The following PLEKHS1 variants were observed in gnomAD, a reference collection of about 807,000 sequenced individuals.
The protein encoded by PLEKHS1 is pleckstrin homology domain-containing family S member 1.
A neutral mutation model predicts 51.0 loss-of-function variants in PLEKHS1; 55 were observed. The observed-to-expected ratio is 1.08, with a 90% CI of 0.87 to 1.35. The LOEUF (loss-of-function observed/expected upper bound fraction) is 1.35. PLEKHS1 is among the 40% of genes most tolerant of loss of function. PLEKHS1 has a pLI of 0.00. For missense variants in PLEKHS1, 398 were observed against 423.0 expected (o/e 0.94, Z 0.52); for synonymous variants, 153 against 144.8 (o/e 1.06, Z -0.41).
At chr10:113,767,879 T>C (rs1181897648) in intron 5 of PLEKHS1, among the ~76,000 whole-genome samples, 1 of 152,186 alleles carries the variant, frequency 6.6e-6, no homozygotes, top group Non-Finnish European at 1.5e-5. Flanking sequence ...GTTCTCCCTG[T>C]GTGCATAGCT....
intron 1 of PLEKHS1, among the ~76,000 whole-genome samples, chr10:113,752,870 G>A (rs7086863): frequency 0.016 from 2,444 of 152,240 alleles, 60 homozygotes; most frequent in African/African-American, 0.056. Flanking sequence ...TGTTATTTGG[G>A]AGTGTCCATG....
rs142829942 is a variant in PLEKHS1 at position 113,775,860 on chromosome 10, G to A, written c.1085G>A (p.Arg362Gln). Residue 362 changes from arginine to glutamine, a missense_variant, in exon 11 of 12, where the codon CGG becomes CAG. Physicochemically the swap from Arg to Gln is conservative, Grantham distance 43 (BLOSUM62 1). Coordinates refer to ENST00000361048, the Ensembl canonical transcript of PLEKHS1. ...CTTGCTCTCACAGAAGCCACAGGAC[G>A]GATATGGTAGGTTGGAGATTTGACT... 83 of 1,603,098 alleles carry A rather than the reference G, an allele frequency of 5.2e-5. No homozygotes were observed. The East Asian group carries it at 1.0e-3, about 20-fold the overall frequency.
chr10:113,780,537 A>G, intron 11 of PLEKHS1, 65 bp from the exon 13 acceptor site: 2 of 1,472,510 alleles, frequency 1.4e-6, no homozygotes, highest in Admixed American at 3.4e-5. Context: ...ATGAGGACAG[A>G]TTGGGAAGCA....
chr10:113,755,762 G>A (rs986883724), intron 2 of PLEKHS1, among the ~76,000 whole-genome samples: 7 of 152,212 alleles, frequency 4.6e-5, no homozygotes, highest in Admixed American at 2.0e-4. Flanking sequence ...TTGGTTTGGA[G>A]AATGTAGCAG....
intron 2 of PLEKHS1, chr10:113,765,402 T>C (rs1313713426): frequency 1.3e-6 from 1 of 779,256 alleles, no homozygotes; most frequent in African/African-American, 1.7e-5. Flanking sequence ...TAACAAGCAC[T>C]TTTTCTGAAT....
Position 113,775,881 on chromosome 10 carries a change from T to C in PLEKHS1, c.1091+15T>C, listed in dbSNP as rs1844628992. ...GGACGGATATGGTAGGTTGGAGATTTGACTGTTGTGGATTATAAATGGGGC... is the reference window on the plus strand; with the variant it reads ...GGACGGATATGGTAGGTTGGAGATTCGACTGTTGTGGATTATAAATGGGGC... On this transcript the variant is annotated intron_variant, in intron 11 of 11. Coordinates refer to ENST00000361048, the Ensembl canonical transcript of PLEKHS1. The C allele has an allele frequency of 6.4e-7, 1 of 1,564,920 alleles. No homozygotes were observed.
chr10:113,778,647 T>TTC (rs1371478724), intron 11 of PLEKHS1, among the ~76,000 whole-genome samples: 1 of 147,962 alleles, frequency 6.8e-6, no homozygotes, highest in Admixed American at 6.7e-5. Context: ...CACTTTCTTT[T>TTC]TTTTTTTTTT....
chr10:113,752,283 C>T (rs983564077), intron 1 of PLEKHS1, among the ~76,000 whole-genome samples: 2 of 152,114 alleles, frequency 1.3e-5, no homozygotes, highest in African/African-American at 2.4e-5. Flanking sequence ...GAAAACAGTG[C>T]AAGCTTTAGA....
intron 11 of PLEKHS1, among the ~76,000 whole-genome samples, chr10:113,780,194 G>A (rs1844823957): frequency 6.6e-6 from 1 of 152,184 alleles, no homozygotes; most frequent in African/African-American, 2.4e-5. Flanking sequence ...GAAGGTGTGT[G>A]CAGGGGAAGG....
chr10:113,772,664 C>T (rs200261024), intron 8 of PLEKHS1, among the ~76,000 whole-genome samples: 14 of 152,130 alleles, frequency 9.2e-5, no homozygotes, highest in East Asian at 1.9e-4. Context: ...GCACAAAAGA[C>T]GTGGTCCGTG....
Position 113,760,183 on chromosome 10 carries a change from G to A in PLEKHS1, c.28+4878G>A, listed in dbSNP as rs149161145. ...GAGATTTACCCATGTCGTTGCATCT[G>A]TCAATAGTTTGTTTCTTTTTATTCC... On this transcript the variant is annotated intron_variant, in intron 2 of 11. Transcript: ENST00000361048. Among the ~76,000 whole-genome samples the A allele has an allele frequency of 4.6e-5, 7 of 152,302 alleles. No individual in the cohort carries two copies. The East Asian group carries it at 1.3e-3, about 29-fold the overall frequency.
At position 113,774,180 on chromosome 10, in the gene PLEKHS1, A is replaced by G. The variant is rs747666423; in HGVS notation, c.673-47A>G. 1.8e-5 allele frequency: 21 copies of G among 1,171,316 alleles called. No homozygotes were observed. In the South Asian group the frequency reaches 2.6e-4, roughly 15 times the overall value. 72.6% of individuals were successfully genotyped at this position (1,171,316 alleles called of 1,614,324 possible). On this transcript the variant is annotated intron_variant, in intron 8 of 11. Transcript: ENST00000361048. ...AATACTAGAAATAAGAAGGTACCTG[A>G]CTTATCGGTAAACTGGGATTCTTAC...
intron 2 of PLEKHS1, among the ~76,000 whole-genome samples, chr10:113,757,493 CTTAA>C (rs1171193552): frequency 1.3e-5 from 2 of 152,120 alleles, no homozygotes; most frequent in East Asian, 1.9e-4. Flanking sequence ...ATTTGCATAC[CTTAA>C]TTAAAGATAT....
intron 2 of PLEKHS1, among the ~76,000 whole-genome samples, chr10:113,764,555 G>C (rs1486183753): frequency 1.3e-5 from 2 of 152,050 alleles, no homozygotes; most frequent in Non-Finnish European, 2.9e-5. Flanking sequence ...GAACAATTGA[G>C]TTATGACATG....
intron 1 of PLEKHS1, among the ~76,000 whole-genome samples, chr10:113,754,235 G>A (rs913814900): frequency 4.6e-5 from 7 of 152,216 alleles, no homozygotes; most frequent in African/African-American, 1.7e-4. Context: ...GGTCAGGAGG[G>A]TCAAGGGCCT....
chr10:113,774,791 T>TAA (rs778476013), intron 9 of PLEKHS1, 35 bp from the exon 10 acceptor site: 50 of 1,581,094 alleles, frequency 3.2e-5, no homozygotes, highest in Non-Finnish European at 3.8e-5. Flanking sequence ...AAACACATGC[T>TAA]AAAATAGGGC....
At chr10:113,775,167 A>G in intron 10 of PLEKHS1, 132 bp downstream of exon 10, 1 of 781,554 alleles carries the variant, frequency 1.3e-6, no homozygotes, top group Non-Finnish European at 2.0e-6. Flanking sequence ...AAACTTGACC[A>G]TCTTCTCCCT....
intron 2 of PLEKHS1, among the ~76,000 whole-genome samples, chr10:113,757,799 T>C (rs4567408): frequency 0.19 from 28,302 of 152,228 alleles, 2,772 homozygotes; most frequent in East Asian, 0.29. Context: ...ACCCTGACAC[T>C]GATTTATCAA....
intron 2 of PLEKHS1, among the ~76,000 whole-genome samples, chr10:113,762,296 T>C (rs1843965802): frequency 6.6e-6 from 1 of 151,560 alleles, no homozygotes; most frequent in South Asian, 2.1e-4. Context: ...TGTTTTTCTG[T>C]GTTCTCTTTC....
Sources: allele counts gnomAD v4.1 joint callset (sites outside exome capture counted in the v4.1 genomes callset), GRCh38; gene constraint gnomAD v4.1.1; transcripts MANE v1.5; gene names NCBI Gene and HGNC (gene_info 2026-07-23, HGNC 2026-07-21).